GRM8: variants seen among roughly 807,000 people sequenced by gnomAD.
The protein encoded by GRM8 is glutamate metabotropic receptor 8, also known as metabotropic glutamate receptor 8.
Under a neutral mutation model 87.2 loss-of-function variants are expected in GRM8, and 47 were observed. The observed-to-expected ratio is 0.54, with a 90% confidence interval of 0.43 to 0.69. The LOEUF (loss-of-function observed/expected upper bound fraction) is 0.69. Among genes scored for constraint, GRM8 ranks in the 30% least tolerant of loss-of-function variants. The probability of loss-of-function intolerance (pLI) is 0.00; values close to 1 mark genes in which losing one functional copy is unlikely to be tolerated. For synonymous variants in GRM8, 396 were observed against 404.5 expected, an observed-to-expected ratio of 0.98 and a Z score of 0.25; for missense variants, 1,019 against 1,139.2, an observed-to-expected ratio of 0.89 and a Z score of 1.52.
chr7:126,494,105 T>A (rs952643492), intron 9 of GRM8, among the ~76,000 whole-genome samples: 2 of 152,018 alleles, frequency 1.3e-5, no homozygotes, highest in African/African-American at 4.8e-5. Flanking sequence ...CTACTTTCCA[T>A]CACATATTTA....
At chr7:127,102,482 C>G in intron 3 of GRM8, among the ~76,000 whole-genome samples, 1 of 152,196 alleles carries the variant, frequency 6.6e-6, no homozygotes, top group East Asian at 1.9e-4. Context: ...GGTCCAGGGC[C>G]CCACTGCCCT....
chr7:126,945,957 A>T (rs1807488517), intron 3 of GRM8, among the ~76,000 whole-genome samples: 1 of 152,236 alleles, frequency 6.6e-6, no homozygotes. Context: ...TGTTTTTCAC[A>T]TATTTATGAA....
At chr7:127,159,332 C>T (rs181798013) in intron 2 of GRM8, among the ~76,000 whole-genome samples, 1 of 152,302 alleles carries the variant, frequency 6.6e-6, no homozygotes, top group East Asian at 1.9e-4. Context: ...AAAGGAAACA[C>T]TGAGCGTATG....
intron 9 of GRM8, among the ~76,000 whole-genome samples, chr7:126,527,459 A>G (rs368587540): frequency 1.3e-5 from 2 of 152,356 alleles, no homozygotes; most frequent in East Asian, 3.9e-4. Context: ...CAATGTGGAT[A>G]CTGATAATCA....
intron 3 of GRM8, among the ~76,000 whole-genome samples, chr7:126,921,939 G>A (rs1019293410): frequency 2.6e-5 from 4 of 152,086 alleles, no homozygotes; most frequent in African/African-American, 9.7e-5. Flanking sequence ...TCAAAGTGAT[G>A]ATGAAGAGAA....
intron 6 of GRM8, among the ~76,000 whole-genome samples, chr7:126,821,515 C>G (rs1157177501): frequency 1.3e-5 from 2 of 152,190 alleles, no homozygotes; most frequent in Non-Finnish European, 2.9e-5. Context: ...TTAGCATGGT[C>G]CCTGGCATAT....
intron 3 of GRM8, among the ~76,000 whole-genome samples, chr7:126,943,691 G>C (rs532713192): frequency 6.6e-6 from 1 of 152,300 alleles, no homozygotes; most frequent in African/African-American, 2.4e-5. Flanking sequence ...CATTGACGCC[G>C]TGTATGTGCA....
chr7:126,839,619 C>T (rs1486962476), intron 6 of GRM8, among the ~76,000 whole-genome samples: 4 of 152,100 alleles, frequency 2.6e-5, no homozygotes, highest in African/African-American at 7.2e-5. Flanking sequence ...CTGGGAATAA[C>T]AGAGGAAGGA....
chr7:127,230,986 A>G (rs140337884), intron 2 of GRM8, among the ~76,000 whole-genome samples: 102 of 152,290 alleles, frequency 6.7e-4, no homozygotes, highest in African/African-American at 2.4e-3. Context: ...ACACGGTTTT[A>G]TATTGCTCGT....
At chr7:127,104,492 G>C (rs1825632908) in intron 3 of GRM8, among the ~76,000 whole-genome samples, 1 of 152,134 alleles carries the variant, frequency 6.6e-6, no homozygotes, top group Non-Finnish European at 1.5e-5. Flanking sequence ...TAAAATGAGG[G>C]ATGATTTTGA....
intron 10 of GRM8, among the ~76,000 whole-genome samples, chr7:126,440,410 C>CAAAAA (rs35828454): frequency 2.7e-5 from 2 of 75,430 alleles, no homozygotes; most frequent in Non-Finnish European, 4.8e-5. Flanking sequence ...GACTCCATCT[C>CAAAAA]AAAAAAAAAA....
chr7:126,994,521 G>C (rs543907887), intron 3 of GRM8, among the ~76,000 whole-genome samples: 10 of 152,284 alleles, frequency 6.6e-5, no homozygotes, highest in Middle Eastern at 3.4e-3. Flanking sequence ...TCCCTGAAGA[G>C]TGAGCCCCAG....
intron 8 of GRM8, among the ~76,000 whole-genome samples, chr7:126,554,386 C>T (rs1422719696): frequency 1.3e-5 from 2 of 151,266 alleles, no homozygotes; most frequent in African/African-American, 2.4e-5. Context: ...TTGAGACCAG[C>T]CAAGATAACA....
chr7:126,606,337 G>C (rs1798343439), intron 8 of GRM8, among the ~76,000 whole-genome samples: 1 of 152,166 alleles, frequency 6.6e-6, no homozygotes, highest in Admixed American at 6.6e-5. Context: ...TTAATCATAA[G>C]TAACATTTAT....
chr7:127,244,228 G>A (rs1286397785), intron 1 of GRM8, among the ~76,000 whole-genome samples: 1 of 152,110 alleles, frequency 6.6e-6, no homozygotes. Flanking sequence ...TTGTCGGTGT[G>A]GGAGCAATGG....
At chr7:127,200,756 G>A (rs1795544570) in intron 2 of GRM8, among the ~76,000 whole-genome samples, 1 of 152,178 alleles carries the variant, frequency 6.6e-6, no homozygotes, top group Admixed American at 6.5e-5. Context: ...AAAGACATGA[G>A]TCATTGGATT....
chr7:126,571,597 C>A (rs1794697275), intron 8 of GRM8, among the ~76,000 whole-genome samples: 2 of 152,132 alleles, frequency 1.3e-5, no homozygotes, highest in Non-Finnish European at 2.9e-5. Flanking sequence ...TCCTCTTTGC[C>A]TGCCAACAAG....
chr7:127,081,865 G>A (rs1483947011), intron 3 of GRM8, among the ~76,000 whole-genome samples: 1 of 152,194 alleles, frequency 6.6e-6, no homozygotes, highest in Non-Finnish European at 1.5e-5. Context: ...GGAATTCTGA[G>A]TGCTGATAAA....
intron 2 of GRM8, among the ~76,000 whole-genome samples, chr7:127,139,364 A>T (rs1828130127): frequency 6.6e-6 from 1 of 152,122 alleles, no homozygotes; most frequent in Admixed American, 6.5e-5. Flanking sequence ...GCAAACTATG[A>T]CAGTCACAGT....
Sources: allele counts gnomAD v4.1 joint callset (sites outside exome capture counted in the v4.1 genomes callset), GRCh38; gene constraint gnomAD v4.1.1; transcripts MANE v1.5; gene names NCBI Gene and HGNC (gene_info 2026-07-23, HGNC 2026-07-21).